LMOD1: variants seen among roughly 807,000 people sequenced by gnomAD.
LMOD1 encodes the protein leiomodin 1, also known as leiomodin-1.
A neutral mutation model predicts 36.5 loss-of-function variants in LMOD1; 8 were observed. The observed-to-expected ratio is 0.22, with a 90% CI of 0.13 to 0.40. The LOEUF (loss-of-function observed/expected upper bound fraction) is 0.40, where lower values mean the gene tolerates loss of function less well. Among genes scored for constraint, LMOD1 ranks in the 10% least tolerant of loss-of-function variants. LMOD1 has a pLI of 1.00. For missense variants in LMOD1, 630 were observed against 751.1 expected (o/e 0.84, Z 1.88); for synonymous variants, 284 against 288.7 (o/e 0.98, Z 0.17).
intron 1 of LMOD1, among the ~76,000 whole-genome samples, chr1:201,915,469 C>G (rs1013739166): frequency 5.3e-5 from 8 of 152,072 alleles, no homozygotes; most frequent in Admixed American, 6.6e-5. Context: ...GACTCCTTAT[C>G]TTCCCCCACT....
chr1:201,923,697 CT>C (rs1177236751), intron 1 of LMOD1, among the ~76,000 whole-genome samples: 1 of 152,058 alleles, frequency 6.6e-6, no homozygotes, highest in African/African-American at 2.4e-5. Context: ...AACCCCATCT[CT>C]ACTAAAAATA....
chr1:201,924,666 A>AAAGAAAGAAAGAAAGAAAG (rs1266535864), intron 1 of LMOD1, among the ~76,000 whole-genome samples: 58 of 3,498 alleles, frequency 0.017, 1 homozygote, highest in African/African-American at 0.038. Flanking sequence ...GAAAGAAAAA[A>AAAGAAAGAAAGAAAGAAAG]AAGAAAGAAA....
In LMOD1 at chr1:201,900,150, G is replaced by A. The variant is rs772543182; in HGVS notation, c.863C>T (p.Thr288Ile). ...HEKEAKDDSK[T>I]KTPEKQTPSG... ...GGGCGTCTGTTTCTCGGGTGTTTTG[G>A]TCTTGCTGTCATCCTTGGCTTCCTT... The change falls in exon 2 of 3, where the codon ACC becomes ATC. Residue 288 changes from threonine (T) to isoleucine (I), a missense_variant. This residue lies in a region of LMOD1 where 405 missense variants were observed against 400.6 expected (regional missense o/e 1.01). Coordinates refer to ENST00000367288, the MANE Select transcript of LMOD1 (RefSeq NM_012134.3). The A allele has an allele frequency of 3.1e-6, 5 of 1,613,910 alleles. No individual in the cohort carries two copies. Among genetic ancestry groups the A allele is most frequent in the Middle Eastern group, 1.7e-4 (1 of 6,060 alleles).
At chr1:201,924,725 G>GAAAGAAAGAAAGA (rs1553297969) in intron 1 of LMOD1, among the ~76,000 whole-genome samples, 1 of 128,820 alleles carries the variant, frequency 7.8e-6, no homozygotes, top group African/African-American at 2.7e-5. Flanking sequence ...AAGAAAGAAA[G>GAAAGAAAGAAAGA]AAAGAAAAGA....
chr1:201,910,707 G>A (rs958724511), intron 1 of LMOD1, among the ~76,000 whole-genome samples: 4 of 146,738 alleles, frequency 2.7e-5, no homozygotes, highest in Admixed American at 6.8e-5. Context: ...TCTGGGAGTC[G>A]GTGGTAACAT....
chr1:201,920,812 T>A (rs1367971459), intron 1 of LMOD1, among the ~76,000 whole-genome samples: 2 of 151,670 alleles, frequency 1.3e-5, no homozygotes, highest in African/African-American at 4.8e-5. Flanking sequence ...GAGGCTTGCT[T>A]GAGCCCAGGA....
At chr1:201,938,540 C>T (rs576201238) in intron 1 of LMOD1, among the ~76,000 whole-genome samples, 1 of 152,258 alleles carries the variant, frequency 6.6e-6, no homozygotes, top group South Asian at 2.1e-4. Context: ...GTCTAGCTGG[C>T]CCCTGAGGAG....
chr1:201,901,528 ATGT>A, intron 1 of LMOD1, among the ~76,000 whole-genome samples: 1 of 41,092 alleles, frequency 2.4e-5, no homozygotes, highest in South Asian at 1.1e-3. Context: ...ATATATATAT[ATGT>A]ATATATATAT....
intron 1 of LMOD1, among the ~76,000 whole-genome samples, chr1:201,912,405 A>G (rs1464287666): frequency 7.3e-6 from 1 of 136,624 alleles, no homozygotes; most frequent in Admixed American, 7.5e-5. Flanking sequence ...AGCTCCCTTC[A>G]CTCCCTCCCT....
chr1:201,908,231 C>T (rs1465850538), intron 1 of LMOD1, among the ~76,000 whole-genome samples: 1 of 152,224 alleles, frequency 6.6e-6, no homozygotes, highest in Non-Finnish European at 1.5e-5. Flanking sequence ...CCCATACCTG[C>T]TTCCGCTACT....
intron 1 of LMOD1, among the ~76,000 whole-genome samples, chr1:201,921,166 C>G (rs1231564165): frequency 6.6e-6 from 1 of 151,484 alleles, no homozygotes; most frequent in East Asian, 2.0e-4. Flanking sequence ...TTGGCCATGA[C>G]AAAATTTAAA....
At position 201,946,262 on chromosome 1, in the gene LMOD1, C is replaced by T. The variant is rs765294752; in HGVS notation, c.79G>A (p.Glu27Lys). Reference protein sequence around the residue: ...IDSLLETLSPEEMEELEKELD... With the variant: ...IDSLLETLSPKEMEELEKELD... ...TCCTTCTCCAGCTCCTCCATCTCCTCGGGAGACAGGGTCTCCAGCAGGCTG... is the reference window on the plus strand; with the variant it reads ...TCCTTCTCCAGCTCCTCCATCTCCTTGGGAGACAGGGTCTCCAGCAGGCTG... The change falls in exon 1 of 3, where the codon GAG (glutamate) becomes AAG (lysine). Residue 27 changes from glutamate to lysine, a missense_variant. Coordinates refer to ENST00000367288, the MANE Select transcript of LMOD1 (RefSeq NM_012134.3). 2.0e-5 allele frequency: 32 copies of T among 1,613,832 alleles called. No individual in the cohort carries two copies. In the African/African-American group the frequency reaches 2.5e-4, roughly 13 times the overall value.
intron 1 of LMOD1, among the ~76,000 whole-genome samples, chr1:201,942,537 C>T (rs138922569): frequency 6.6e-6 from 1 of 152,146 alleles, no homozygotes; most frequent in Non-Finnish European, 1.5e-5. Context: ...GAGGGAGAAG[C>T]AGGCCAAGGG....
intron 1 of LMOD1, among the ~76,000 whole-genome samples, chr1:201,939,765 T>TGA (rs1682083102): frequency 6.7e-6 from 1 of 148,762 alleles, no homozygotes; most frequent in African/African-American, 2.5e-5. Context: ...TCCTGCTGTG[T>TGA]GTGTGTGTGT....
chr1:201,940,748 ATT>A (rs34009358), intron 1 of LMOD1, among the ~76,000 whole-genome samples: 4 of 125,222 alleles, frequency 3.2e-5, no homozygotes, highest in Admixed American at 1.7e-4. Flanking sequence ...CACGCCCAGC[ATT>A]TTTTTTTTTT....
chr1:201,921,282 G>T (rs1304961522), intron 1 of LMOD1, among the ~76,000 whole-genome samples: 2 of 151,948 alleles, frequency 1.3e-5, no homozygotes, highest in South Asian at 2.1e-4. Context: ...GAGGTCAGGA[G>T]TTCGAGGCTA....
intron 1 of LMOD1, among the ~76,000 whole-genome samples, chr1:201,914,477 G>A (rs1324899131): frequency 6.6e-6 from 1 of 152,136 alleles, no homozygotes; most frequent in African/African-American, 2.4e-5. Context: ...TCCACTTCCT[G>A]TGGCTGCACA....
chr1:201,925,444 T>G (rs1681813549), intron 1 of LMOD1, among the ~76,000 whole-genome samples: 4 of 152,216 alleles, frequency 2.6e-5, no homozygotes. Flanking sequence ...TTGTGTGATG[T>G]TCTAAGACAG....
rs1441650567 is a variant in LMOD1, at chr1:201,899,188, C to G, written c.1776+49G>C. The stretch of plus-strand genomic sequence containing the variant: ...CCTTTTGCAGTCCTACCCTCTCCTC[C>G]AGGCCCTACCCAGCCCCGCCCTGTT... On this transcript the variant is annotated intron_variant, in intron 2 of 2. Coordinates refer to ENST00000367288, the MANE Select transcript of LMOD1 (RefSeq NM_012134.3). This position sits in a 1 kb window ranked among gnomAD's most constrained non-coding sequence, Gnocchi z 6.3. 2 of 1,503,172 alleles carry G rather than the reference C, an allele frequency of 1.3e-6. No individual in the cohort carries two copies. The highest frequency in any genetic ancestry group is 1.8e-6 in the Non-Finnish European group (2 of 1,118,734). 93.1% of individuals were successfully genotyped at this position (1,503,172 alleles called of 1,614,324 possible).
Sources: allele counts gnomAD v4.1 joint callset (sites outside exome capture counted in the v4.1 genomes callset), GRCh38; gene constraint gnomAD v4.1.1; regional missense constraint gnomAD v4.1.1; non-coding constraint Gnocchi (gnomAD v3.1); transcripts MANE v1.5; gene names NCBI Gene and HGNC (gene_info 2026-07-23, HGNC 2026-07-21).